AFG3L2: variants seen among roughly 807,000 people sequenced by gnomAD.
AFG3L2 encodes the protein mitochondrial inner membrane m-AAA protease component AFG3L2.
In AFG3L2, 54 loss-of-function variants were observed where a neutral mutation model predicts 94.5. The observed-to-expected ratio is 0.57, with a 90% CI of 0.46 to 0.72. The LOEUF is 0.72. AFG3L2 is among the 30% of genes least tolerant of loss of function. The pLI is 0.00. For synonymous variants in AFG3L2, 377 were observed against 365.5 expected (o/e 1.03, Z -0.36); for missense variants, 754 against 994.9 (o/e 0.76, Z 3.26).
At chr18:12,359,396 T>C (rs1234366607) in intron 7 of AFG3L2, among the ~76,000 whole-genome samples, 1 of 151,934 alleles carries the variant, frequency 6.6e-6, no homozygotes, top group African/African-American at 2.4e-5. Context: ...TCAAGATAAG[T>C]ATAAATGTGT....
intron 16 of AFG3L2, among the ~76,000 whole-genome samples, chr18:12,331,330 C>T (rs532657935): frequency 6.6e-6 from 1 of 152,200 alleles, no homozygotes; most frequent in Non-Finnish European, 1.5e-5. Flanking sequence ...TTAAGCAACA[C>T]ATGACTGCAG....
intron 16 of AFG3L2, among the ~76,000 whole-genome samples, chr18:12,332,491 A>C (rs1907565400): frequency 2.0e-5 from 3 of 152,110 alleles, no homozygotes. Context: ...AAAATTATGA[A>C]AGTTTTGTCT....
At chr18:12,362,982 T>G (rs911381529) in intron 6 of AFG3L2, among the ~76,000 whole-genome samples, 2 of 152,156 alleles carry the variant, frequency 1.3e-5, no homozygotes, top group Admixed American at 6.5e-5. Flanking sequence ...ATTGCATCAC[T>G]AGGTAGAGGG....
chr18:12,329,440 A>AT lies in AFG3L2; in HGVS notation c.*124dup. 1 of 1,040,380 alleles carries AT rather than the reference A, an allele frequency of 9.6e-7. No homozygotes were observed. The highest frequency in any genetic ancestry group is 1.5e-6 in the Non-Finnish European group (1 of 666,144). The allele number at this position is 1,040,380 out of a possible 1,614,324, so 64.4% of individuals were successfully genotyped here. Reference sequence around the variant, plus strand: ...AGGACTAAGGACTCCTTTCCCCATCATTTCAGCTGGGCCAGTGGCTGGCTA... The same window carrying AT: ...AGGACTAAGGACTCCTTTCCCCATCATTTTCAGCTGGGCCAGTGGCTGGCTA... On this transcript the variant is annotated 3_prime_UTR_variant, in exon 17 of 17. Coordinates refer to ENST00000269143, the MANE Select transcript of AFG3L2 (RefSeq NM_006796.3).
chr18:12,355,782 C>A lies in AFG3L2; in HGVS notation c.1164+912G>T, dbSNP rs1369215430. On this transcript the variant is annotated intron_variant, in intron 9 of 16. Transcript: ENST00000269143. Reference sequence around the variant, plus strand: ...CTCCCAGGTTCACGCCATTCTCCTGCCTCAGCCTCCCAAGTAGCTGGGACT... The same window carrying A: ...CTCCCAGGTTCACGCCATTCTCCTGACTCAGCCTCCCAAGTAGCTGGGACT... Among the ~76,000 whole-genome samples the A allele has an allele frequency of 2.0e-5, 3 of 151,934 alleles. No individual in the cohort carries two copies. In the East Asian group the frequency reaches 5.8e-4, roughly 29 times the overall value.
At chr18:12,333,845 G>C (rs1432850432) in intron 16 of AFG3L2, among the ~76,000 whole-genome samples, 1 of 152,206 alleles carries the variant, frequency 6.6e-6, no homozygotes, top group Non-Finnish European at 1.5e-5. Context: ...CAGGCTCAGG[G>C]AGAGGGGAAC....
intron 16 of AFG3L2, among the ~76,000 whole-genome samples, chr18:12,334,101 G>A (rs552229838): frequency 1.1e-4 from 16 of 152,326 alleles, no homozygotes; most frequent in African/African-American, 3.8e-4. Flanking sequence ...CACACTCCCT[G>A]CCCTCGCAGA....
chr18:12,349,447 G>A (rs377006282), intron 12 of AFG3L2, among the ~76,000 whole-genome samples: 5 of 152,150 alleles, frequency 3.3e-5, no homozygotes, highest in African/African-American at 7.2e-5. Flanking sequence ...TCTGTACACC[G>A]ATGTTCATGG....
chr18:12,359,793 GTTT>G, intron 7 of AFG3L2, 131 bp downstream of exon 7: 2 of 1,214,920 alleles, frequency 1.6e-6, no homozygotes, highest in Non-Finnish European at 2.4e-6. Flanking sequence ...GTTACTAATA[GTTT>G]TTTAAAAATC....
intron 13 of AFG3L2, among the ~76,000 whole-genome samples, chr18:12,346,968 C>T (rs1908159572): frequency 6.8e-6 from 1 of 147,500 alleles, no homozygotes; most frequent in African/African-American, 2.5e-5. Context: ...GAAACCCCAT[C>T]TCTACTAAAA....
chr18:12,334,512 C>A (rs552288979), intron 16 of AFG3L2, among the ~76,000 whole-genome samples: 1 of 152,180 alleles, frequency 6.6e-6, no homozygotes, highest in Non-Finnish European at 1.5e-5. Context: ...ATTGCAAATG[C>A]GCCTTGCTCA....
At position 12,376,980 on chromosome 18, in the gene AFG3L2, A is replaced by T; in HGVS notation, c.103T>A (p.Cys35Ser). Residue 35 changes from cysteine to serine, a missense_variant, in exon 1 of 17, where the codon TGC (cysteine) becomes AGC (serine). Cys to Ser is a moderately radical substitution (Grantham distance 112). Around this residue, in one of 4 missense-constraint regions of AFG3L2, gnomAD observed 236 missense variants for 214.0 expected, o/e 1.10. Coordinates refer to ENST00000269143, the MANE Select transcript of AFG3L2 (RefSeq NM_006796.3). ...CAGGTAGGACTCACCGTCCGGAGGC[A>T]GGGCTGCTCGCCCGGGCCCACGCCG... ...PGGVGPGEQP[C>S]LRTLYRFVTT... The T allele has an allele frequency of 6.8e-7, 1 of 1,460,106 alleles. No homozygotes were observed. The allele number at this position is 1,460,106 out of a possible 1,614,324, so 90.4% of individuals were successfully genotyped here. A position where few individuals can be genotyped will look rare whatever the true frequency, so the allele number is the denominator to read the frequency against.
chr18:12,343,966 A>T, intron 14 of AFG3L2, 166 bp downstream of exon 14: 1 of 655,038 alleles, frequency 1.5e-6, no homozygotes, highest in Non-Finnish European at 2.7e-6. Flanking sequence ...TTTTATATTT[A>T]TCTATGGGAC....
At chr18:12,356,626 A>C in intron 9 of AFG3L2, 68 bp downstream of exon 9, 2 of 1,608,386 alleles carry the variant, frequency 1.2e-6, no homozygotes, top group Admixed American at 3.3e-5. Flanking sequence ...ATCTCTAGCA[A>C]GTGCCTCCAT....
chr18:12,373,259 A>C (rs1909046520), intron 1 of AFG3L2, among the ~76,000 whole-genome samples: 1 of 152,238 alleles, frequency 6.6e-6, no homozygotes, highest in Admixed American at 6.5e-5. Flanking sequence ...TAAGAATGCA[A>C]CATAAGAGTT....
rs529005706 is a variant in AFG3L2 at position 12,361,610 on chromosome 18, G to A, written c.628-1559C>T. Reference sequence around the variant, plus strand: ...TGCAGTGAGCCAAGATCGCGCCACTGCACTCCAGCCTGGGCGACAAAGTCA... The same window carrying A: ...TGCAGTGAGCCAAGATCGCGCCACTACACTCCAGCCTGGGCGACAAAGTCA... On this transcript the variant is annotated intron_variant, in intron 6 of 16. Coordinates refer to ENST00000269143, the MANE Select transcript of AFG3L2 (RefSeq NM_006796.3). 4.6e-5 allele frequency among the ~76,000 whole-genome samples: 7 copies of A among 152,332 alleles called. No homozygotes were observed. In the South Asian group the frequency reaches 1.4e-3, roughly 32 times the overall value.
rs1908576321 is a variant in AFG3L2, at chr18:12,358,943, G to C, written c.753C>G (p.Gly251=). The part of the protein sequence containing the change: ...VPVVYIAESD[G]SFLLSMLPTV... ...TAGGCAGCATGCTCAGCAGAAAAGAGCTGGGGACACACAGCGCAACACGGG... is the reference window on the plus strand; with the variant it reads ...TAGGCAGCATGCTCAGCAGAAAAGACCTGGGGACACACAGCGCAACACGGG... Residue 251 remains glycine, a splice_region_variant and synonymous_variant, in exon 8 of 17, where the codon GGC becomes GGG. Coordinates refer to ENST00000269143, the MANE Select transcript of AFG3L2 (RefSeq NM_006796.3). 1 of 1,611,664 alleles carries C rather than the reference G, an allele frequency of 6.2e-7. No individual in the cohort carries two copies. The highest frequency in any genetic ancestry group is 1.7e-5 in the Admixed American group (1 of 59,264).
chr18:12,356,077 T>C (rs1436902206), intron 9 of AFG3L2, among the ~76,000 whole-genome samples: 1 of 149,976 alleles, frequency 6.7e-6, no homozygotes, highest in African/African-American at 2.5e-5. Context: ...TTTACAGGGA[T>C]CAATTGTTTG....
chr18:12,354,143 C>CCCCCCCCCCCCCCCG (rs1568140681), intron 9 of AFG3L2, among the ~76,000 whole-genome samples: 1 of 107,696 alleles, frequency 9.3e-6, no homozygotes. Flanking sequence ...CCCCCCCCCC[C>CCCCCCCCCCCCCCCG]CCACTTCACT....
Sources: allele counts gnomAD v4.1 joint callset (sites outside exome capture counted in the v4.1 genomes callset), GRCh38; gene constraint gnomAD v4.1.1; regional missense constraint gnomAD v4.1.1; transcripts MANE v1.5; gene names NCBI Gene and HGNC (gene_info 2026-07-23, HGNC 2026-07-21).